UGT2B7: variants seen among roughly 807,000 people sequenced by gnomAD.
UGT2B7 encodes UDP glucuronosyltransferase family 2 member B7, also known as UDP-glucuronosyltransferase 2B7.
In UGT2B7, 51 loss-of-function variants were observed where a neutral mutation model predicts 51.9. That is an observed-to-expected ratio of 0.98 (90% CI 0.78 to 1.24). UGT2B7 has a LOEUF of 1.24. Ranked by LOEUF, UGT2B7 falls within the 50% of genes most tolerant of loss-of-function variation. The pLI, the probability that UGT2B7 is intolerant of heterozygous loss-of-function variation, is 0.00. For synonymous variants in UGT2B7, 225 were observed against 211.6 expected (o/e 1.06, Z -0.55); for missense variants, 727 against 628.4 (o/e 1.16, Z -1.68).
chr4:69,108,407 A>G, intron 5 of UGT2B7, 85 bp downstream of exon 5: 1 of 1,427,492 alleles, frequency 7.0e-7, no homozygotes, highest in Non-Finnish European at 9.5e-7. Flanking sequence ...TCCTTTTTAT[A>G]AGAGACTAAT....
chr4:69,092,370 T>G (rs576710009), upstream of UGT2B7, among the ~76,000 whole-genome samples: 1 of 152,268 alleles, frequency 6.6e-6, no homozygotes, highest in East Asian at 1.9e-4. Flanking sequence ...CAGGCACTCA[T>G]GAAGCAGCTG....
At chr4:69,064,112 A>AGAGAGAGAGAGAGAAAG (rs1718433031) in intron 1 of UGT2B7, among the ~76,000 whole-genome samples, 1 of 86,842 alleles carries the variant, frequency 1.2e-5, no homozygotes, top group Admixed American at 1.1e-4. Flanking sequence ...GAAAGAAAGA[A>AGAGAGAGAGAGAGAAAG]AAAGAAAGAA....
chr4:69,102,750 T>C (rs576652840), intron 2 of UGT2B7, 57 bp from the exon 3 acceptor site: 2 of 1,575,076 alleles, frequency 1.3e-6, no homozygotes, highest in African/African-American at 1.4e-5. Context: ...CCAATTCTTT[T>C]GGTAGTGCCC....
At chr4:69,074,637 C>T (rs545238772) in intron 1 of UGT2B7, among the ~76,000 whole-genome samples, 5 of 151,888 alleles carry the variant, frequency 3.3e-5, no homozygotes, top group African/African-American at 4.8e-5. Context: ...TTAAAATTGC[C>T]TCTGCTGTAG....
intron 5 of UGT2B7, among the ~76,000 whole-genome samples, chr4:69,111,711 A>G (rs1719779078): frequency 6.6e-6 from 1 of 152,186 alleles, no homozygotes; most frequent in Non-Finnish European, 1.5e-5. Context: ...TCAAAAACTT[A>G]AACAATTAAA....
intron 1 of UGT2B7, among the ~76,000 whole-genome samples, chr4:69,077,976 T>C (rs1277273145): frequency 6.6e-6 from 1 of 152,094 alleles, no homozygotes; most frequent in East Asian, 1.9e-4. Context: ...TTATTGAGAG[T>C]TTTTAGCATG....
chr4:69,112,737 T>C lies in UGT2B7; in HGVS notation c.*1T>C, dbSNP rs1719818200. 6.2e-7 allele frequency: 1 copy of C among 1,613,686 alleles called. No homozygotes were observed. The highest frequency in any genetic ancestry group is 1.7e-4 in the Middle Eastern group (1 of 6,056). On this transcript the variant is annotated 3_prime_UTR_variant, in exon 6 of 6. Transcript: ENST00000305231. ...AGCAAAGAAGGGAAAAAATGATTAG[T>C]TATATCTGAGATTTGAAGCTGGAAA... is the stretch of plus-strand genomic sequence containing the variant.
chr4:69,112,529 C>G lies in UGT2B7; in HGVS notation c.1383C>G (p.Val461=). 6.2e-7 allele frequency: 1 copy of G among 1,613,948 alleles called. No homozygotes were observed. Among genetic ancestry groups the G allele is most frequent in the Non-Finnish European group, 8.5e-7 (1 of 1,179,852 alleles). The change falls in exon 6 of 6, where the codon GTC becomes GTG. Residue 461 remains valine (V), a synonymous_variant. Coordinates refer to ENST00000305231, the MANE Select transcript of UGT2B7 (RefSeq NM_001074.4). ...CAGTGAAGCCCCTGGATCGAGCAGT[C>G]TTCTGGATTGAATTTGTCATGCGCC... The part of the protein sequence containing the change: ...DQPVKPLDRA[V]FWIEFVMRHK...
chr4:69,112,755 G>C lies in UGT2B7; in HGVS notation c.*19G>C, dbSNP rs185543933. The stretch of plus-strand genomic sequence containing the variant: ...TGATTAGTTATATCTGAGATTTGAA[G>C]CTGGAAAACCTGATAGGTGAGACTA... On this transcript the variant is annotated 3_prime_UTR_variant, in exon 6 of 6. Transcript: ENST00000305231. The C allele has an allele frequency of 6.2e-7, 1 of 1,612,388 alleles. No individual in the cohort carries two copies. The highest frequency in any genetic ancestry group is 2.2e-5 in the East Asian group (1 of 44,828).
chr4:69,055,021 T>A (rs1241561386), intron 1 of UGT2B7, among the ~76,000 whole-genome samples: 1 of 146,318 alleles, frequency 6.8e-6, no homozygotes, highest in Non-Finnish European at 1.5e-5. Context: ...ACCAGCCTGA[T>A]GCGTGTTATG....
chr4:69,106,890 C>T (rs574093788), intron 3 of UGT2B7, among the ~76,000 whole-genome samples: 62 of 150,224 alleles, frequency 4.1e-4, no homozygotes, highest in African/African-American at 1.2e-3. Flanking sequence ...GTTGGCCACA[C>T]GTAGGTTTTC....
chr4:69,105,711 A>T (rs1719574092), intron 3 of UGT2B7, among the ~76,000 whole-genome samples: 1 of 152,178 alleles, frequency 6.6e-6, no homozygotes, highest in Admixed American at 6.6e-5. Context: ...TTGTGTCAAA[A>T]ATAACCACCT....
At chr4:69,080,624 C>T (rs892485435) in intron 1 of UGT2B7, among the ~76,000 whole-genome samples, 3 of 151,774 alleles carry the variant, frequency 2.0e-5, no homozygotes, top group Admixed American at 6.6e-5. Flanking sequence ...CAAAATGAGA[C>T]GATTAAAATT....
intron 1 of UGT2B7, among the ~76,000 whole-genome samples, chr4:69,064,112 A>AGAGAGAGAGAGAGAAAGAAAGAAAG (rs1718433031): frequency 1.2e-5 from 1 of 86,798 alleles, no homozygotes; most frequent in Non-Finnish European, 2.2e-5. Context: ...GAAAGAAAGA[A>AGAGAGAGAGAGAGAAAGAAAGAAAG]AAAGAAAGAA....
chr4:69,069,309 G>A (rs751243239), intron 1 of UGT2B7, among the ~76,000 whole-genome samples: 13 of 151,902 alleles, frequency 8.6e-5, no homozygotes, highest in Non-Finnish European at 1.5e-4. Flanking sequence ...TTTGAAACTT[G>A]TATGCCAGGT....
intron 1 of UGT2B7, 57 bp downstream of exon 1, chr4:69,097,298 C>G: frequency 6.4e-7 from 1 of 1,562,540 alleles, no homozygotes; most frequent in South Asian, 1.2e-5. Context: ...GTCTTTGAAG[C>G]AGAGCTTATA....
intron 1 of UGT2B7, chr4:69,069,717 C>T (rs1296148073): frequency 3.3e-5 from 5 of 152,420 alleles, no homozygotes; most frequent in African/African-American, 9.6e-5. Flanking sequence ...AAAAACTCTC[C>T]TGGATTGAGT....
chr4:69,091,381 G>A (rs1010179519), intron 2 of UGT2B7, among the ~76,000 whole-genome samples: 4 of 149,936 alleles, frequency 2.7e-5, no homozygotes, highest in African/African-American at 9.8e-5. Flanking sequence ...GTGTGAATTA[G>A]AAACTTTAAA....
At chr4:69,087,928 C>T (rs959533439) in intron 1 of UGT2B7, among the ~76,000 whole-genome samples, 3 of 151,894 alleles carry the variant, frequency 2.0e-5, no homozygotes, top group South Asian at 2.1e-4. Flanking sequence ...TTGGGAAATA[C>T]TCTTCGGATT....
Sources: allele counts gnomAD v4.1 joint callset (sites outside exome capture counted in the v4.1 genomes callset), GRCh38; gene constraint gnomAD v4.1.1; transcripts MANE v1.5; gene names NCBI Gene and HGNC (gene_info 2026-07-23, HGNC 2026-07-21).